Variants in SAMMSON observed in about 807,000 individuals in gnomAD.
SAMMSON encodes the protein long intergenic non-protein coding RNA 1212.
chr3:70,152,207 T>A (rs1279183806), intron 4 of SAMMSON, among the ~76,000 whole-genome samples: 1 of 151,986 alleles, frequency 6.6e-6, no homozygotes, highest in Non-Finnish European at 1.5e-5. Context: ...AACACTTGAT[T>A]TGCGATACCA....
At chr3:70,223,756 T>A (rs1364087405) in intron 4 of SAMMSON, among the ~76,000 whole-genome samples, 2 of 152,186 alleles carry the variant, frequency 1.3e-5, no homozygotes, top group African/African-American at 4.8e-5. Flanking sequence ...TTGCATGCAA[T>A]CAATTTAATT....
chr3:70,031,304 A>G (rs1239495875), intron 3 of SAMMSON, among the ~76,000 whole-genome samples: 1 of 152,216 alleles, frequency 6.6e-6, no homozygotes, highest in East Asian at 1.9e-4. Flanking sequence ...CAAATATGGT[A>G]TGATTCCACT....
At chr3:70,317,485 GT>G (rs954206099) in intron 7 of SAMMSON, among the ~76,000 whole-genome samples, 3 of 151,610 alleles carry the variant, frequency 2.0e-5, no homozygotes, top group African/African-American at 7.2e-5. Flanking sequence ...TATACAAACT[GT>G]TTTTTTGTCT....
intron 7 of SAMMSON, among the ~76,000 whole-genome samples, chr3:70,351,639 C>A (rs1702795961): frequency 6.6e-6 from 1 of 152,006 alleles, no homozygotes; most frequent in Admixed American, 6.6e-5. Flanking sequence ...TCATATATCC[C>A]ACACTAGCAG....
intron 3 of SAMMSON, among the ~76,000 whole-genome samples, chr3:70,018,280 A>C (rs2066995871): frequency 1.3e-5 from 2 of 152,200 alleles, no homozygotes; most frequent in Admixed American, 1.3e-4. Flanking sequence ...TGGTCTATTC[A>C]GAGATTCAGC....
chr3:70,063,577 G>A (rs772346534), intron 3 of SAMMSON, among the ~76,000 whole-genome samples: 6 of 151,930 alleles, frequency 3.9e-5, no homozygotes, highest in African/African-American at 7.2e-5. Flanking sequence ...CCCTTCCCCC[G>A]CAAACAGATT....
At chr3:70,434,353 G>A (rs879189991) in intron 2 of SAMMSON, among the ~76,000 whole-genome samples, 2 of 151,994 alleles carry the variant, frequency 1.3e-5, no homozygotes, top group Admixed American at 1.3e-4. Context: ...ATACTTGTTA[G>A]ATTTATATCT....
Position 70,051,070 on chromosome 3 carries a change from G to A in SAMMSON, n.418-20406G>A, listed in dbSNP as rs150390982. 1.2e-3 allele frequency among the ~76,000 whole-genome samples: 175 copies of A among 146,670 alleles called. 6 individuals carry two copies. In the East Asian group the frequency reaches 0.032, roughly 27 times the overall value. ...AGATTGCTTGAACCCAGGAGATGGA[G>A]GTTGGAGTGAGCCAAGATTGCACCA... is the stretch of plus-strand genomic sequence containing the variant. On this transcript the variant is annotated intron_variant and non_coding_transcript_variant, in intron 3 of 9. Transcript: ENST00000642114.
At chr3:70,079,941 T>C (rs1348986519) in intron 4 of SAMMSON, among the ~76,000 whole-genome samples, 1 of 152,200 alleles carries the variant, frequency 6.6e-6, no homozygotes, top group Non-Finnish European at 1.5e-5. Context: ...CTTGCTGATA[T>C]GGGTGGCACA....
chr3:70,286,857 T>C (rs1204176605), intron 6 of SAMMSON, among the ~76,000 whole-genome samples: 4 of 152,166 alleles, frequency 2.6e-5, no homozygotes, highest in African/African-American at 7.2e-5. Flanking sequence ...GGCTCTCTGT[T>C]TGTCTGTTGT....
At chr3:70,067,999 A>G (rs2067216243) in intron 3 of SAMMSON, among the ~76,000 whole-genome samples, 2 of 151,998 alleles carry the variant, frequency 1.3e-5, no homozygotes, top group Admixed American at 6.6e-5. Flanking sequence ...AAAGGTATCC[A>G]TATCTCTGAA....
chr3:70,202,037 G>C (rs1330289030), intron 4 of SAMMSON, among the ~76,000 whole-genome samples: 1 of 152,154 alleles, frequency 6.6e-6, no homozygotes, highest in Admixed American at 6.6e-5. Context: ...GCTAACCACA[G>C]TGACTGTGGT....
chr3:70,118,345 C>T (rs1010959644), intron 4 of SAMMSON, among the ~76,000 whole-genome samples: 1 of 152,176 alleles, frequency 6.6e-6, no homozygotes, highest in Non-Finnish European at 1.5e-5. Context: ...ATTGTTGTTA[C>T]ATTGTCTTTA....
intron 7 of SAMMSON, among the ~76,000 whole-genome samples, chr3:70,338,248 A>G (rs1055960665): frequency 6.6e-5 from 10 of 152,002 alleles, no homozygotes; most frequent in Admixed American, 6.6e-4. Context: ...TTAGATACAG[A>G]TATCTTTATT....
chr3:70,330,110 A>G (rs1472647218), intron 7 of SAMMSON, among the ~76,000 whole-genome samples: 1 of 151,966 alleles, frequency 6.6e-6, no homozygotes, highest in Admixed American at 6.5e-5. Context: ...AAATAAGTGT[A>G]TAAATTATCT....
At chr3:70,180,020 G>A (rs1305332209) in intron 4 of SAMMSON, among the ~76,000 whole-genome samples, 3 of 151,510 alleles carry the variant, frequency 2.0e-5, no homozygotes, top group Admixed American at 6.6e-5. Context: ...GTGTGTGTGT[G>A]TGTGTGTGCG....
intron 3 of SAMMSON, among the ~76,000 whole-genome samples, chr3:70,018,397 G>T (rs2066996546): frequency 6.6e-6 from 1 of 152,076 alleles, no homozygotes; most frequent in Non-Finnish European, 1.5e-5. Context: ...TTTTATGGTA[G>T]TTTGTATTTC....
At chr3:70,349,020 C>T (rs1030929138) in intron 7 of SAMMSON, among the ~76,000 whole-genome samples, 1 of 152,094 alleles carries the variant, frequency 6.6e-6, no homozygotes, top group Non-Finnish European at 1.5e-5. Flanking sequence ...GGTGTGTGAT[C>T]CTGGTTGCTG....
At chr3:70,313,050 T>C (rs910451294) in intron 7 of SAMMSON, among the ~76,000 whole-genome samples, 1 of 152,210 alleles carries the variant, frequency 6.6e-6, no homozygotes, top group African/African-American at 2.4e-5. Context: ...TTTTTCCACC[T>C]AATATTTTAT....
Sources: allele counts gnomAD v4.1 joint callset (sites outside exome capture counted in the v4.1 genomes callset), GRCh38; gene constraint gnomAD v4.1.1; transcripts MANE v1.5; gene names NCBI Gene and HGNC (gene_info 2026-07-23, HGNC 2026-07-21).